Variants in CACNA2D3 observed in about 807,000 individuals in gnomAD.
CACNA2D3 encodes calcium voltage-gated channel auxiliary subunit alpha2delta 3, also known as voltage-dependent calcium channel subunit alpha-2/delta-3.
Under a neutral mutation model 160.6 loss-of-function variants are expected in CACNA2D3, and 60 were observed. That is an observed-to-expected ratio of 0.37 (90% CI 0.30 to 0.46). CACNA2D3 has a LOEUF of 0.46. CACNA2D3 is among the 20% of genes least tolerant of loss of function. The probability of loss-of-function intolerance (pLI) is 1.00; values close to 1 mark genes in which losing one functional copy is unlikely to be tolerated. For synonymous variants in CACNA2D3, 558 were observed against 492.9 expected, an observed-to-expected ratio of 1.13 and a Z score of -1.75; for missense variants, 1,205 against 1,365.0, an observed-to-expected ratio of 0.88 and a Z score of 1.85.
At chr3:54,672,892 G>T (rs1039532634) in intron 11 of CACNA2D3, among the ~76,000 whole-genome samples, 1 of 152,188 alleles carries the variant, frequency 6.6e-6, no homozygotes, top group Non-Finnish European at 1.5e-5. Flanking sequence ...TGATACCAAT[G>T]ACAACGATTG....
intron 34 of CACNA2D3, among the ~76,000 whole-genome samples, chr3:55,016,668 A>G (rs1703332985): frequency 6.6e-6 from 1 of 152,224 alleles, no homozygotes; most frequent in African/African-American, 2.4e-5. Context: ...TGAGGTTACT[A>G]TAGACATTTC....
chr3:54,911,351 CTTTTTT>C (rs58289082), intron 27 of CACNA2D3, among the ~76,000 whole-genome samples: 19 of 58,582 alleles, frequency 3.2e-4, no homozygotes, highest in Admixed American at 1.2e-3. Flanking sequence ...TCTTTGTCGT[CTTTTTT>C]TTTTTTTTTT....
At chr3:54,353,164 G>T (rs1045033726) in intron 3 of CACNA2D3, among the ~76,000 whole-genome samples, 1 of 152,148 alleles carries the variant, frequency 6.6e-6, no homozygotes, top group Non-Finnish European at 1.5e-5. Context: ...CCAATTTGGT[G>T]GTTTTCTTGT....
intron 3 of CACNA2D3, among the ~76,000 whole-genome samples, chr3:54,362,080 A>G (rs1470095381): frequency 6.6e-6 from 1 of 152,184 alleles, no homozygotes; most frequent in African/African-American, 2.4e-5. Context: ...TAGGCATGGC[A>G]CCCACCATAA....
At chr3:54,170,672 G>T (rs1700545473) in intron 2 of CACNA2D3, among the ~76,000 whole-genome samples, 1 of 152,000 alleles carries the variant, frequency 6.6e-6, no homozygotes, top group Non-Finnish European at 1.5e-5. Flanking sequence ...AGCAATATCA[G>T]CCAAGGGCAG....
chr3:54,609,914 A>G (rs983864846), intron 9 of CACNA2D3, among the ~76,000 whole-genome samples: 2 of 152,176 alleles, frequency 1.3e-5, no homozygotes, highest in African/African-American at 4.8e-5. Context: ...ACAGAAGTAT[A>G]TTGTCTTACA....
At chr3:54,327,672 GAA>G (rs138773881) in intron 3 of CACNA2D3, among the ~76,000 whole-genome samples, 2,089 of 152,224 alleles carry the variant, frequency 0.014, 48 homozygotes, top group African/African-American at 0.048. Context: ...AAAGAGAAAA[GAA>G]TGTGCAGAAA....
At chr3:54,599,124 C>G (rs1181872466) in intron 9 of CACNA2D3, among the ~76,000 whole-genome samples, 1 of 152,130 alleles carries the variant, frequency 6.6e-6, no homozygotes, top group East Asian at 1.9e-4. Flanking sequence ...TTATAACTGA[C>G]TGGAACATTG....
intron 4 of CACNA2D3, among the ~76,000 whole-genome samples, chr3:54,442,114 G>A (rs192825747): frequency 7.2e-5 from 11 of 152,176 alleles, no homozygotes; most frequent in East Asian, 1.9e-4. Flanking sequence ...CAGCTCATAC[G>A]CTTAAATTGT....
chr3:54,199,793 G>C (rs996451738), intron 2 of CACNA2D3, among the ~76,000 whole-genome samples: 1 of 152,130 alleles, frequency 6.6e-6, no homozygotes, highest in East Asian at 1.9e-4. Context: ...AATTATGTTG[G>C]TATTCCATGT....
chr3:54,911,520 T>C (rs903548966), intron 27 of CACNA2D3, among the ~76,000 whole-genome samples: 1 of 151,806 alleles, frequency 6.6e-6, no homozygotes, highest in Admixed American at 6.6e-5. Flanking sequence ...AAGTCATTCT[T>C]GACTCTTTCC....
At chr3:54,227,679 C>T (rs532168669) in intron 2 of CACNA2D3, among the ~76,000 whole-genome samples, 2 of 152,098 alleles carry the variant, frequency 1.3e-5, no homozygotes, top group African/African-American at 2.4e-5. Context: ...CTCAGCCTCC[C>T]GAGTAGCTGG....
intron 35 of CACNA2D3, among the ~76,000 whole-genome samples, chr3:55,028,178 T>C (rs911875650): frequency 2.6e-5 from 4 of 152,214 alleles, no homozygotes; most frequent in African/African-American, 9.6e-5. Context: ...TCAGTTGCTC[T>C]AAATAGAAAC....
intron 4 of CACNA2D3, among the ~76,000 whole-genome samples, chr3:54,472,548 A>G (rs1700752615): frequency 6.6e-6 from 1 of 152,334 alleles, no homozygotes; most frequent in Non-Finnish European, 1.5e-5. Context: ...CAGTCAGGCA[A>G]GAGAAAGAAA....
chr3:54,330,948 T>C (rs1704235837), intron 3 of CACNA2D3, among the ~76,000 whole-genome samples: 1 of 152,046 alleles, frequency 6.6e-6, no homozygotes, highest in East Asian at 1.9e-4. Context: ...TTGGTAGAGA[T>C]GATTTTTTTT....
chr3:54,937,033 G>A (rs1175173138), intron 27 of CACNA2D3, among the ~76,000 whole-genome samples: 1 of 152,096 alleles, frequency 6.6e-6, no homozygotes, highest in Non-Finnish European at 1.5e-5. Context: ...TGCTAAGGTG[G>A]TTAGATTTGC....
At position 54,626,606 on chromosome 3, in the gene CACNA2D3, G is replaced by T. The variant is rs554326817; in HGVS notation, c.964-1181G>T. 7.3e-5 allele frequency: 106 copies of T among 1,448,022 alleles called. No individual in the cohort carries two copies. In the African/African-American group the frequency reaches 1.4e-3, roughly 20 times the overall value. 89.7% of individuals were successfully genotyped at this position (1,448,022 alleles called of 1,614,324 possible). On this transcript the variant is annotated intron_variant, in intron 9 of 37. Coordinates refer to ENST00000474759, the MANE Select transcript of CACNA2D3 (RefSeq NM_018398.3). ...AAGCCCATAAAGCACGGCGGGCCCG[G>T]CATCGGGGCCAGCCACTCCTCCCGC...
chr3:54,596,725 A>C (rs1397473391), intron 9 of CACNA2D3, among the ~76,000 whole-genome samples: 1 of 151,908 alleles, frequency 6.6e-6, no homozygotes, highest in African/African-American at 2.4e-5. Flanking sequence ...TCTTGACTTC[A>C]CCATGCACCT....
intron 5 of CACNA2D3, among the ~76,000 whole-genome samples, chr3:54,541,164 C>G (rs1214425629): frequency 2.0e-5 from 3 of 150,836 alleles, no homozygotes; most frequent in Non-Finnish European, 4.4e-5. Flanking sequence ...GTAGTCCCAG[C>G]TACTCGGGAG....
Sources: gnomAD v4.1 joint callset for allele counts (sites outside exome capture counted in the v4.1 genomes callset) on GRCh38, gnomAD v4.1.1 for gene constraint, MANE v1.5 for transcripts, NCBI Gene and HGNC (gene_info 2026-07-23, HGNC 2026-07-21) for gene names.